SELENOP: variants seen among roughly 807,000 people sequenced by gnomAD.
SELENOP encodes the protein selenoprotein P, plasma, 1.
In SELENOP, 36 loss-of-function variants were observed where a neutral mutation model predicts 41.0. The observed-to-expected ratio is 0.88, with a 90% CI of 0.67 to 1.16. SELENOP has a LOEUF of 1.16. SELENOP is among the 50% of genes most tolerant of loss of function. The pLI is 0.00. For synonymous variants in SELENOP, 144 were observed against 150.8 expected, an observed-to-expected ratio of 0.95 and a Z score of 0.33; for missense variants, 440 against 454.2, an observed-to-expected ratio of 0.97 and a Z score of 0.28.
rs754442007 is a variant in SELENOP at position 42,801,335 on chromosome 5, G to C, written c.535-4C>G. On this transcript the variant is annotated splice_region_variant and splice_polypyrimidine_tract_variant and intron_variant, in intron 4 of 4. Transcript: ENST00000514985. ...AAAAGTCTTCATCTTTGAGAGTCTG[G>C]AACAAATTTATAAATCACTTTTTAA... 1.3e-6 allele frequency: 2 copies of C among 1,587,816 alleles called. No homozygotes were observed. The highest frequency in any genetic ancestry group is 2.7e-5 in the African/African-American group (2 of 73,698).
At chr5:42,807,129 T>C (rs1445122213) in intron 2 of SELENOP, 21 bp from the exon 3 acceptor site, 2 of 1,168,314 alleles carry the variant, frequency 1.7e-6, no homozygotes, top group Non-Finnish European at 2.5e-6. Context: ...TGGGAAGAAA[T>C]ACATAAAATG....
chr5:42,807,129 T>A, intron 2 of SELENOP, 21 bp from the exon 3 acceptor site: 1 of 1,168,312 alleles, frequency 8.6e-7, no homozygotes, highest in Non-Finnish European at 1.3e-6. Flanking sequence ...TGGGAAGAAA[T>A]ACATAAAATG....
chr5:42,806,138 T>C (rs1341275708), intron 3 of SELENOP: 1 of 152,188 alleles, frequency 6.6e-6, no homozygotes, highest in African/African-American at 2.4e-5. Context: ...AAGTAATACA[T>C]TCCTGTCACA....
rs200706035 is a variant in SELENOP at position 42,800,677 on chromosome 5, T to C, written c.*43A>G. The stretch of plus-strand genomic sequence containing the variant: ...GTTTATAAAAATGCTGGAAATGAAA[T>C]TGTGTCTAGACTAAATTGGGGAGTA... On this transcript the variant is annotated 3_prime_UTR_variant, in exon 5 of 5. Coordinates refer to ENST00000514985, the MANE Select transcript of SELENOP (RefSeq NM_005410.4). 8.7e-4 allele frequency: 1,328 copies of C among 1,519,704 alleles called. 24 individuals carry two copies. The South Asian group carries it at 0.016, about 18-fold the overall frequency. The allele number at this position is 1,519,704 out of a possible 1,614,324, so 94.1% of individuals were successfully genotyped here.
In SELENOP at chr5:42,801,228, T is replaced by C. The variant is rs752992303; in HGVS notation, c.638A>G (p.His213Arg). Residue 213 changes from histidine (H) to arginine (R), a missense_variant, in exon 5 of 5, where the codon CAT becomes CGT. His to Arg is a conservative substitution (Grantham distance 29). Coordinates refer to ENST00000514985, the MANE Select transcript of SELENOP (RefSeq NM_005410.4). ...ACTGCTGCCAAGGTGCTGATGTCCA[T>C]GATTGTGATGATGCTCATGATGGTA... ...PHYHHEHHHN[H>R]GHQHLGSSEL... 3 of 1,614,058 alleles carry C rather than the reference T, an allele frequency of 1.9e-6. No individual in the cohort carries two copies. The highest frequency in any genetic ancestry group is 2.5e-6 in the Non-Finnish European group (3 of 1,180,030).
intron 1 of SELENOP, chr5:42,809,862 T>G: frequency 6.5e-6 from 2 of 307,960 alleles, no homozygotes; most frequent in Non-Finnish European, 9.4e-6. Flanking sequence ...CTCCAACTAC[T>G]TATTTTAATA....
At position 42,799,930 on chromosome 5, in the gene SELENOP, C is replaced by T; in HGVS notation, c.*790G>A. 1.2e-6 allele frequency: 1 copy of T among 823,850 alleles called. No homozygotes were observed. The highest frequency in any genetic ancestry group is 1.9e-6 in the Non-Finnish European group (1 of 531,712). 51.0% of individuals were successfully genotyped at this position (823,850 alleles called of 1,614,324 possible). A position where few individuals can be genotyped will look rare whatever the true frequency, so the allele number is the denominator to read the frequency against. ...TATTTGGACAAATCCGTACTGTATC[C>T]AATTCTGTACTGCATTCTTGCTTAA... On this transcript the variant is annotated 3_prime_UTR_variant, in exon 5 of 5. Transcript: ENST00000514985.
At chr5:42,810,190 C>T (rs1005450782) in intron 1 of SELENOP, among the ~76,000 whole-genome samples, 9 of 152,290 alleles carry the variant, frequency 5.9e-5, no homozygotes, top group African/African-American at 1.9e-4. Flanking sequence ...CTAGTTCTGT[C>T]AAATCCTAAG....
chr5:42,807,441 G>T, intron 2 of SELENOP: 1 of 174,548 alleles, frequency 5.7e-6, no homozygotes, highest in African/African-American at 2.4e-5. Context: ...AAAAAAGATG[G>T]CTGCATCTAT....
chr5:42,811,032 G>A (rs1760447879), intron 1 of SELENOP, among the ~76,000 whole-genome samples: 1 of 152,126 alleles, frequency 6.6e-6, no homozygotes, highest in Non-Finnish European at 1.5e-5. Context: ...TGGGTTTCCT[G>A]GAAGCTGATC....
chr5:42,811,775 A>C (rs1210765472), intron 1 of SELENOP, 61 bp downstream of exon 1: 2 of 152,218 alleles, frequency 1.3e-5, no homozygotes, highest in Non-Finnish European at 2.9e-5. Context: ...TATCAGACTC[A>C]AAAAATATTT....
chr5:42,806,114 G>A (rs1443758420), intron 3 of SELENOP: 2 of 152,312 alleles, frequency 1.3e-5, no homozygotes, highest in South Asian at 2.1e-4. Flanking sequence ...GGTGGGAAGT[G>A]TGGTGGAAGG....
rs1050054458 is a variant in SELENOP at position 42,800,525 on chromosome 5, C to A, written c.*195G>T. 4 of 601,462 alleles carry A rather than the reference C, an allele frequency of 6.7e-6. No homozygotes were observed. The highest frequency in any genetic ancestry group is 1.1e-5 in the Non-Finnish European group (4 of 367,820). 37.3% of individuals were successfully genotyped at this position (601,462 alleles called of 1,614,324 possible). A position where few individuals can be genotyped will look rare whatever the true frequency, so the allele number is the denominator to read the frequency against. On this transcript the variant is annotated 3_prime_UTR_variant, in exon 5 of 5. Coordinates refer to ENST00000514985, the MANE Select transcript of SELENOP (RefSeq NM_005410.4). Reference sequence around the variant, plus strand: ...AAGCTGCAATCACCTTTCAGTTGCTCCATCATAAAAAATATGGTTTGAGTC... The same window carrying A: ...AAGCTGCAATCACCTTTCAGTTGCTACATCATAAAAAATATGGTTTGAGTC...
In SELENOP at chr5:42,800,620, C is replaced by A. The variant is rs1225782978; in HGVS notation, c.*100G>T. ...TAGATTTCTCCATGTTTGCACAAAT[C>A]TAATTTCTATTTTTGGTTCACTAAT... On this transcript the variant is annotated 3_prime_UTR_variant, in exon 5 of 5. Transcript: ENST00000514985. The A allele has an allele frequency of 4.4e-6, 6 of 1,374,928 alleles. No homozygotes were observed. The African/African-American group carries it at 7.2e-5, about 17-fold the overall frequency. The allele number at this position is 1,374,928 out of a possible 1,614,324, so 85.2% of individuals were successfully genotyped here.
Position 42,806,936 on chromosome 5 carries a change from G to A in SELENOP, c.376C>T (p.Leu126Phe), listed in dbSNP as rs1457649191. The change falls in exon 3 of 5, where the codon CTT becomes TTT. Residue 126 changes from leucine to phenylalanine, a missense_variant. By Grantham distance (22) the Leu-to-Phe change is conservative (BLOSUM62 0). Coordinates refer to ENST00000514985, the MANE Select transcript of SELENOP (RefSeq NM_005410.4). ...AAGTCATCTTTGCTTCCATTTAAAAGAGTCCAGACATCTGTTTGGTTTTCT... is the reference window on the plus strand; with the variant it reads ...AAGTCATCTTTGCTTCCATTTAAAAAAGTCCAGACATCTGTTTGGTTTTCT... ...QEENQTDVWT[L>F]LNGSKDDFLI... 2 of 1,611,018 alleles carry A rather than the reference G, an allele frequency of 1.2e-6. No homozygotes were observed. Among genetic ancestry groups the A allele is most frequent in the Non-Finnish European group, 1.7e-6 (2 of 1,178,028 alleles).
Position 42,804,733 on chromosome 5 carries a change from A to G in SELENOP, c.457T>C (p.Phe153Leu), listed in dbSNP as rs543909349. 1 of 1,611,844 alleles carries G rather than the reference A, an allele frequency of 6.2e-7. No homozygotes were observed. Among genetic ancestry groups the G allele is most frequent in the African/African-American group, 1.3e-5 (1 of 74,978 alleles). The change falls in exon 4 of 5, where the codon TTC (phenylalanine) becomes CTC (leucine). Residue 153 changes from phenylalanine (F) to leucine (L), a missense_variant. Transcript: ENST00000514985. ...LVYHLGLPFSFLTFPYVEEAI... is the reference protein window; with the variant it reads ...LVYHLGLPFSLLTFPYVEEAI... ...TCTTCTACATATGGGAAAGTTAGGA[A>G]GGAAAAAGGCAAACCAAGATGATAT...
In SELENOP at chr5:42,807,010, G is replaced by T. The variant is rs545782031; in HGVS notation, c.302C>A (p.Thr101Lys). The change falls in exon 3 of 5, where the codon ACA (threonine) becomes AAA (lysine). Residue 101 changes from threonine (T) to lysine (K), a missense_variant. Transcript: ENST00000514985. ...CTCTGAAACCTTATTCTTAAGATGT[G>T]TGTATTTTAATCGAGAAGAGATTCC... is the stretch of plus-strand genomic sequence containing the variant. ...HQGISSRLKY[T>K]HLKNKVSEHI... 6.3e-7 allele frequency: 1 copy of T among 1,594,296 alleles called. No homozygotes were observed. The highest frequency in any genetic ancestry group is 1.7e-5 in the Admixed American group (1 of 59,946).
intron 1 of SELENOP, among the ~76,000 whole-genome samples, chr5:42,809,076 C>T (rs1481863268): frequency 6.6e-6 from 1 of 152,138 alleles, no homozygotes; most frequent in Non-Finnish European, 1.5e-5. Flanking sequence ...GCCCTTAGCT[C>T]TTCAAGTTCA....
intron 4 of SELENOP, among the ~76,000 whole-genome samples, chr5:42,803,193 C>T (rs1356792477): frequency 6.6e-6 from 1 of 152,088 alleles, no homozygotes; most frequent in African/African-American, 2.4e-5. Flanking sequence ...ACAGATGATT[C>T]ACACATTTTA....
Sources: gnomAD v4.1 joint callset for allele counts (sites outside exome capture counted in the v4.1 genomes callset) on GRCh38, gnomAD v4.1.1 for gene constraint, MANE v1.5 for transcripts, NCBI Gene and HGNC (gene_info 2026-07-23, HGNC 2026-07-21) for gene names.